The following KAT2B variants were observed in gnomAD, a reference collection of about 807,000 sequenced individuals.
KAT2B encodes the protein histone acetyltransferase KAT2B.
Under a neutral mutation model 105.9 loss-of-function variants are expected in KAT2B, and 36 were observed. The ratio of observed to expected loss-of-function variants is 0.34; its 90% CI spans 0.26 to 0.45. The LOEUF is 0.45. Among genes scored for constraint, KAT2B ranks in the 20% least tolerant of loss-of-function variants. KAT2B has a pLI of 1.00. For synonymous variants in KAT2B, 397 were observed against 377.9 expected, an observed-to-expected ratio of 1.05 and a Z score of -0.59; for missense variants, 820 against 1,021.6, an observed-to-expected ratio of 0.80 and a Z score of 2.69.
At chr3:20,066,266 T>C (rs1698221606) in intron 1 of KAT2B, among the ~76,000 whole-genome samples, 1 of 152,184 alleles carries the variant, frequency 6.6e-6, no homozygotes, top group Admixed American at 6.5e-5. Flanking sequence ...CTCCTTCTTC[T>C]TTCTCTTAGG....
chr3:20,082,547 T>C (rs1448518717), intron 2 of KAT2B, among the ~76,000 whole-genome samples: 1 of 152,190 alleles, frequency 6.6e-6, no homozygotes, highest in Non-Finnish European at 1.5e-5. Flanking sequence ...TAATCTGGAG[T>C]TCCTCAGCAT....
intron 1 of KAT2B, among the ~76,000 whole-genome samples, chr3:20,045,025 A>AT (rs1052307874): frequency 1.1e-4 from 17 of 151,904 alleles, no homozygotes; most frequent in Non-Finnish European, 2.4e-4. Flanking sequence ...TTATTTATTT[A>AT]TTTTTTTGAG....
intron 13 of KAT2B, among the ~76,000 whole-genome samples, chr3:20,144,544 C>T (rs1453592605): frequency 2.6e-5 from 4 of 151,298 alleles, no homozygotes; most frequent in African/African-American, 9.7e-5. Context: ...CCACCTCGGC[C>T]TCCCAAAGTG....
chr3:20,139,585 C>T (rs1478088449), intron 12 of KAT2B, among the ~76,000 whole-genome samples: 1 of 151,864 alleles, frequency 6.6e-6, no homozygotes, highest in Non-Finnish European at 1.5e-5. Context: ...GAAATAGATA[C>T]TTAAGGCAAA....
intron 16 of KAT2B, 41 bp downstream of exon 16, chr3:20,148,347 A>G (rs759301611): frequency 1.9e-6 from 3 of 1,610,252 alleles, no homozygotes; most frequent in Non-Finnish European, 1.7e-6. Context: ...ATATTTTGAA[A>G]TGATTTCCCA....
intron 5 of KAT2B, among the ~76,000 whole-genome samples, chr3:20,109,699 C>G (rs1437807930): frequency 6.6e-6 from 1 of 152,068 alleles, no homozygotes; most frequent in Non-Finnish European, 1.5e-5. Context: ...CAATGAATTT[C>G]TATATGAAGC....
At chr3:20,080,769 G>C (rs73181611) in intron 2 of KAT2B, among the ~76,000 whole-genome samples, 4,266 of 152,242 alleles carry the variant, frequency 0.028, 177 homozygotes, top group African/African-American at 0.097. Context: ...ATGCACACAG[G>C]TTTTGAAGAC....
At chr3:20,125,026 A>T (rs1699374635) in intron 9 of KAT2B, among the ~76,000 whole-genome samples, 1 of 152,228 alleles carries the variant, frequency 6.6e-6, no homozygotes, top group African/African-American at 2.4e-5. Context: ...AAGAGGTGTT[A>T]AGAATATATA....
At chr3:20,062,259 G>T (rs1048885357) in intron 1 of KAT2B, among the ~76,000 whole-genome samples, 7 of 74,404 alleles carry the variant, frequency 9.4e-5, no homozygotes, top group African/African-American at 1.6e-4. Flanking sequence ...TATAAAATAT[G>T]ATATATAATA....
intron 12 of KAT2B, among the ~76,000 whole-genome samples, chr3:20,137,837 T>G (rs1438947157): frequency 6.6e-6 from 1 of 152,194 alleles, no homozygotes; most frequent in Non-Finnish European, 1.5e-5. Context: ...CCTAGCAGTT[T>G]CTTATCAGAA....
At chr3:20,148,073 C>A in intron 15 of KAT2B, 74 bp downstream of exon 15, 1 of 1,487,928 alleles carries the variant, frequency 6.7e-7, no homozygotes, top group Non-Finnish European at 9.3e-7. Flanking sequence ...TAAAGAAAAA[C>A]GGCAAACTAA....
intron 6 of KAT2B, among the ~76,000 whole-genome samples, chr3:20,113,834 G>A (rs566367555): frequency 6.6e-6 from 1 of 151,762 alleles, no homozygotes; most frequent in Non-Finnish European, 1.5e-5. Context: ...TGGCTTTAAT[G>A]TGTGCCTCTT....
At chr3:20,129,925 C>T (rs987758305) in intron 11 of KAT2B, among the ~76,000 whole-genome samples, 2 of 152,150 alleles carry the variant, frequency 1.3e-5, no homozygotes, top group Admixed American at 6.5e-5. Context: ...GGTACTTTAG[C>T]TTTCATTAAC....
intron 2 of KAT2B, among the ~76,000 whole-genome samples, chr3:20,075,872 ACTGCAGC>A (rs1324452923): frequency 6.7e-6 from 1 of 149,698 alleles, no homozygotes. Context: ...AGATCTCACC[ACTGCAGC>A]CTGGGCGACA....
In KAT2B at chr3:20,148,227, C is replaced by A. The variant is rs1175724348; in HGVS notation, c.2157-16C>A. ...AACTCTAATCATTGCTCCTTGTTTC[C>A]CTTTTTCCTTTCAAGTAAAGAGCCC... On this transcript the variant is annotated splice_polypyrimidine_tract_variant and intron_variant, in intron 15 of 17. Coordinates refer to ENST00000263754, the MANE Select transcript of KAT2B (RefSeq NM_003884.5). 2 of 1,608,136 alleles carry A rather than the reference C, an allele frequency of 1.2e-6. No homozygotes were observed. Among genetic ancestry groups the A allele is most frequent in the Admixed American group, 1.7e-5 (1 of 59,848 alleles).
chr3:20,103,738 C>G (rs921571644), intron 5 of KAT2B, among the ~76,000 whole-genome samples: 2 of 152,140 alleles, frequency 1.3e-5, no homozygotes, highest in East Asian at 3.8e-4. Context: ...AAGAAAAATG[C>G]AAGGCAGCCT....
At chr3:20,063,232 T>C (rs1698167249) in intron 1 of KAT2B, among the ~76,000 whole-genome samples, 1 of 152,048 alleles carries the variant, frequency 6.6e-6, no homozygotes, top group Non-Finnish European at 1.5e-5. Flanking sequence ...TATGTCCAGC[T>C]AATTTTTAAA....
At chr3:20,109,615 G>T (rs1428212728) in intron 5 of KAT2B, among the ~76,000 whole-genome samples, 1 of 152,124 alleles carries the variant, frequency 6.6e-6, no homozygotes, top group African/African-American at 2.4e-5. Flanking sequence ...ACCATGCCAT[G>T]CCTAGCCAGC....
chr3:20,049,027 A>AATTTTTGT (rs1697866291), intron 1 of KAT2B, among the ~76,000 whole-genome samples: 1 of 151,962 alleles, frequency 6.6e-6, no homozygotes, highest in Non-Finnish European at 1.5e-5. Context: ...ACGCCCGGCT[A>AATTTTTGT]ATTTTTGTAT....
Sources: allele counts gnomAD v4.1 joint callset (sites outside exome capture counted in the v4.1 genomes callset), GRCh38; gene constraint gnomAD v4.1.1; transcripts MANE v1.5; gene names NCBI Gene and HGNC (gene_info 2026-07-23, HGNC 2026-07-21).